KCNJ14: variants seen among roughly 807,000 people sequenced by gnomAD.
KCNJ14 encodes the protein potassium inwardly rectifying channel subfamily J member 14.
KCNJ14 carries 18 observed loss-of-function variants against 24.5 expected under a neutral mutation model. The ratio of observed to expected loss-of-function variants is 0.74; its 90% CI spans 0.51 to 1.09. The LOEUF (loss-of-function observed/expected upper bound fraction) is 1.09, where lower values mean the gene tolerates loss of function less well. KCNJ14 is among the 50% of genes least tolerant of loss of function. The pLI is 0.00. For missense variants in KCNJ14, 633 were observed against 623.0 expected, an observed-to-expected ratio of 1.02 and a Z score of -0.17; for synonymous variants, 288 against 270.8, an observed-to-expected ratio of 1.06 and a Z score of -0.63.
intron 2 of KCNJ14, among the ~76,000 whole-genome samples, chr19:48,463,770 G>C (rs924429102): frequency 7.2e-5 from 11 of 152,058 alleles, no homozygotes; most frequent in African/African-American, 2.4e-4. Context: ...TTCCGTTGTC[G>C]CTTTGATTTC....
intron 2 of KCNJ14, 99 bp from the exon 3 acceptor site, chr19:48,464,082 G>T: frequency 1.2e-6 from 1 of 839,368 alleles, no homozygotes; most frequent in Non-Finnish European, 2.0e-6. Context: ...CACTCCTGTG[G>T]TCTTTGCCTT....
rs28648758 is a variant in KCNJ14, at chr19:48,465,055, A to C, written c.*278A>C. 8.8e-6 allele frequency: 4 copies of C among 454,512 alleles called. No homozygotes were observed. The highest frequency in any genetic ancestry group is 7.2e-5 in the Admixed American group (2 of 27,772). 28.2% of individuals were successfully genotyped at this position (454,512 alleles called of 1,614,324 possible). A position where few individuals can be genotyped will look rare whatever the true frequency, so the allele number is the denominator to read the frequency against. ...GATCACCCAAGAGGAAAAGACTGGC[A>C]GTTCTAGATTCCTCTATATGGGGAG... On this transcript the variant is annotated 3_prime_UTR_variant, in exon 3 of 3. Transcript: ENST00000342291.
chr19:48,464,363 G>C lies in KCNJ14; in HGVS notation c.897G>C (p.Leu299=), dbSNP rs371264426. 8.1e-6 allele frequency: 13 copies of C among 1,612,972 alleles called. No homozygotes were observed. The African/African-American group carries it at 1.3e-4, about 17-fold the overall frequency. The stretch of plus-strand genomic sequence containing the variant: ...AGCTGGCCAGGGCTGACTTTGAGCT[G>C]GTGGTCATTCTCGAGGGGATGGTTG... ...RAELARADFE[L]VVILEGMVEA... The change falls in exon 3 of 3, where the codon CTG becomes CTC. Residue 299 remains leucine (L), a synonymous_variant. Coordinates refer to ENST00000342291, the MANE Select transcript of KCNJ14 (RefSeq NM_013348.4).
rs1013849521 is a variant in KCNJ14, at chr19:48,465,256, A to T, written c.*479A>T. On this transcript the variant is annotated 3_prime_UTR_variant, in exon 3 of 3. Coordinates refer to ENST00000342291, the MANE Select transcript of KCNJ14 (RefSeq NM_013348.4). Reference sequence around the variant, plus strand: ...CTGAGTAGCAAATCATTTGTTCTAGACCACCTAAGGAGGGAAGGTTATGGA... The same window carrying T: ...CTGAGTAGCAAATCATTTGTTCTAGTCCACCTAAGGAGGGAAGGTTATGGA... 2 of 160,142 alleles carry T rather than the reference A, an allele frequency of 1.2e-5. No individual in the cohort carries two copies. The highest frequency in any genetic ancestry group is 4.8e-5 in the African/African-American group (2 of 41,478). 9.9% of individuals were successfully genotyped at this position (160,142 alleles called of 1,614,324 possible). A position where few individuals can be genotyped will look rare whatever the true frequency, so the allele number is the denominator to read the frequency against.
rs1360577667 is a variant in KCNJ14 at position 48,462,264 on chromosome 19, C to T, written c.540C>T (p.Val180=). The change falls in exon 2 of 3, where the codon GTC becomes GTT. Residue 180 remains valine, a synonymous_variant. Transcript: ENST00000342291. This position sits in a 1 kb window ranked among gnomAD's most constrained non-coding sequence, Gnocchi z 4.9. ...CIAGCVLDAF[V]VGAVMAKMAK... The stretch of plus-strand genomic sequence containing the variant: ...CCGGCTGCGTGCTCGACGCCTTCGT[C>T]GTGGGTGCTGTCATGGCCAAGATGG... 1.3e-6 allele frequency: 2 copies of T among 1,547,668 alleles called. No individual in the cohort carries two copies. Among genetic ancestry groups the T allele is most frequent in the Admixed American group, 2.0e-5 (1 of 51,054 alleles).
intron 1 of KCNJ14, among the ~76,000 whole-genome samples, chr19:48,457,953 T>A (rs1971556189): frequency 6.6e-6 from 1 of 152,228 alleles, no homozygotes; most frequent in South Asian, 2.1e-4. Context: ...CCCAAAGTCC[T>A]GGGATTACAG....
intron 1 of KCNJ14, among the ~76,000 whole-genome samples, chr19:48,457,696 T>C: frequency 6.6e-6 from 1 of 151,912 alleles, no homozygotes; most frequent in Non-Finnish European, 1.5e-5. Context: ...TTTTTTTTTT[T>C]AAATGGAGTC....
chr19:48,464,599 AGT>A lies in KCNJ14; in HGVS notation c.1134_1135del (p.Lys378AsnfsTer2). ...GCAGAGCAGGCTTCCCACAGCCTCA[AGT>A]CTAGTTTCCCCGGCTCTCTGACTGC... On this transcript the variant is annotated frameshift_variant, in exon 3 of 3. Coordinates refer to ENST00000342291, the MANE Select transcript of KCNJ14 (RefSeq NM_013348.4). LOFTEE classifies it high-confidence loss of function. The A allele has an allele frequency of 6.2e-7, 1 of 1,614,138 alleles. No individual in the cohort carries two copies. The highest frequency in any genetic ancestry group is 8.5e-7 in the Non-Finnish European group (1 of 1,180,024).
At chr19:48,458,537 G>A (rs1427753916) in intron 1 of KCNJ14, among the ~76,000 whole-genome samples, 10 of 152,118 alleles carry the variant, frequency 6.6e-5, no homozygotes, top group Admixed American at 6.5e-4. Flanking sequence ...AGCCTCCAGA[G>A]TAGCTGGGAC....
chr19:48,464,204 G>A lies in KCNJ14; in HGVS notation c.738G>A (p.Glu246=), dbSNP rs760714659. 3.1e-5 allele frequency: 50 copies of A among 1,613,820 alleles called. No individual in the cohort carries two copies. Among genetic ancestry groups the A allele is most frequent in the East Asian group, 2.0e-4 (9 of 44,888 alleles). Residue 246 remains glutamate, a synonymous_variant, in exon 3 of 3, where the codon GAG becomes GAA. Coordinates refer to ENST00000342291, the MANE Select transcript of KCNJ14 (RefSeq NM_013348.4). ...AGCCCCGTGTGACCCCAGAGGGTGA[G>A]TACATCCCGCTGGACCACCAGGATG... is the stretch of plus-strand genomic sequence containing the variant. The part of the protein sequence containing the change: ...LLQPRVTPEG[E]YIPLDHQDVD...
intron 1 of KCNJ14, among the ~76,000 whole-genome samples, chr19:48,459,240 C>CAAA (rs748195965): frequency 6.8e-5 from 4 of 59,168 alleles, no homozygotes; most frequent in Admixed American, 1.9e-4. Context: ...ACTCCGTCTC[C>CAAA]AAAAAAAAAA....
Position 48,464,452 on chromosome 19 carries a change from A to G in KCNJ14, c.986A>G (p.His329Arg), listed in dbSNP as rs1198280960. ...SYLPGELLWG[H>R]RFEPVLFQRG... Reference sequence around the variant, plus strand: ...CTCCCTGGTGAACTGCTCTGGGGCCATCGTTTTGAGCCAGTTCTCTTCCAG... The same window carrying G: ...CTCCCTGGTGAACTGCTCTGGGGCCGTCGTTTTGAGCCAGTTCTCTTCCAG... The change falls in exon 3 of 3, where the codon CAT (histidine) becomes CGT (arginine). Residue 329 changes from histidine to arginine, a missense_variant. Transcript: ENST00000342291. 2 of 1,613,878 alleles carry G rather than the reference A, an allele frequency of 1.2e-6. No homozygotes were observed. Among genetic ancestry groups the G allele is most frequent in the Non-Finnish European group, 1.7e-6 (2 of 1,179,946 alleles).
rs928639669 is a variant in KCNJ14, at chr19:48,461,754, C to G, written c.30C>G (p.Leu10=). The change falls in exon 2 of 3, where the codon CTC becomes CTG. Residue 10 remains leucine (L), a synonymous_variant. Transcript: ENST00000342291. The part of the protein sequence containing the change: MGLARALRR[L]SGALDSGDSR... ...GCCTGGCCAGGGCCCTACGCCGCCT[C>G]AGCGGCGCCCTGGATTCGGGAGACA... 2.1e-5 allele frequency: 31 copies of G among 1,443,146 alleles called. No individual in the cohort carries two copies. The highest frequency in any genetic ancestry group is 1.9e-4 in the African/African-American group (13 of 68,518). 89.4% of individuals were successfully genotyped at this position (1,443,146 alleles called of 1,614,324 possible).
Sources: gnomAD v4.1 joint callset for allele counts (sites outside exome capture counted in the v4.1 genomes callset) on GRCh38, gnomAD v4.1.1 for gene constraint, Gnocchi (gnomAD v3.1) non-coding constraint, MANE v1.5 for transcripts, NCBI Gene and HGNC (gene_info 2026-07-23, HGNC 2026-07-21) for gene names.